Variants in NRG1 observed in about 807,000 individuals in gnomAD.
NRG1 encodes the protein neuregulin 1, also known as pro-neuregulin-1, membrane-bound isoform.
A neutral mutation model predicts 63.8 loss-of-function variants in NRG1; 18 were observed. That is an observed-to-expected ratio of 0.28 (90% CI 0.19 to 0.42). The LOEUF (loss-of-function observed/expected upper bound fraction) is 0.42, where lower values mean the gene tolerates loss of function less well. Ranked by LOEUF, NRG1 falls within the 10% of genes least tolerant of loss-of-function variation. The probability of loss-of-function intolerance (pLI) is 1.00; values close to 1 mark genes in which losing one functional copy is unlikely to be tolerated. For synonymous variants in NRG1, 302 were observed against 301.3 expected (o/e 1.00, Z -0.02); for missense variants, 762 against 814.7 (o/e 0.94, Z 0.79).
At chr8:32,427,336 T>G (rs1030248601) in intron 1 of NRG1, among the ~76,000 whole-genome samples, 2 of 152,180 alleles carry the variant, frequency 1.3e-5, no homozygotes, top group Admixed American at 1.3e-4. Flanking sequence ...TGGTAGATCC[T>G]CCATCTCCAC....
chr8:32,551,373 A>G (rs1422061656), intron 1 of NRG1, among the ~76,000 whole-genome samples: 1 of 152,162 alleles, frequency 6.6e-6, no homozygotes, highest in African/African-American at 2.4e-5. Context: ...GTCCTTGATG[A>G]TATGTATGCA....
intron 1 of NRG1, among the ~76,000 whole-genome samples, chr8:31,794,275 A>C (rs2131678628): frequency 6.6e-6 from 1 of 152,250 alleles, no homozygotes; most frequent in African/African-American, 2.4e-5. Flanking sequence ...GGACAGGGAT[A>C]GACCTTCTTC....
intron 1 of NRG1, among the ~76,000 whole-genome samples, chr8:31,911,603 C>T (rs1284034307): frequency 6.6e-6 from 1 of 152,102 alleles, no homozygotes. Flanking sequence ...GGGAGAGAAT[C>T]AAGCAAAATA....
chr8:31,721,531 C>T (rs960914418), intron 1 of NRG1, among the ~76,000 whole-genome samples: 1 of 152,158 alleles, frequency 6.6e-6, no homozygotes, highest in African/African-American at 2.4e-5. Context: ...GCATCACCTC[C>T]TATCAGATCA....
At chr8:32,373,256 C>A (rs1809166628) in intron 1 of NRG1, among the ~76,000 whole-genome samples, 1 of 152,068 alleles carries the variant, frequency 6.6e-6, no homozygotes, top group South Asian at 2.1e-4. Flanking sequence ...TTAAAATACA[C>A]CCATATGGCA....
Position 31,907,108 on chromosome 8 carries a change from A to G in NRG1, c.37+267677A>G, listed in dbSNP as rs185138333. Among the ~76,000 whole-genome samples the G allele has an allele frequency of 4.0e-4, 61 of 152,260 alleles. 1 individual carries two copies. Among genetic ancestry groups the G allele is most frequent in the Admixed American group, 3.1e-3 (48 of 15,286 alleles). On this transcript the variant is annotated intron_variant, in intron 1 of 10. Coordinates refer to the NRG1 transcript ENST00000519301. ...CCACTGACTGTAAGGGAAACCAGGTATACACAGCTTTAGGGCACAATGGAG... is the reference window on the plus strand; with the variant it reads ...CCACTGACTGTAAGGGAAACCAGGTGTACACAGCTTTAGGGCACAATGGAG...
chr8:31,737,907 A>T (rs969305022), intron 1 of NRG1, among the ~76,000 whole-genome samples: 2 of 152,120 alleles, frequency 1.3e-5, no homozygotes, highest in African/African-American at 4.8e-5. Flanking sequence ...GTCATCTAGT[A>T]AAGAATTCTG....
At chr8:32,048,395 A>G (rs963774691) in intron 1 of NRG1, among the ~76,000 whole-genome samples, 1 of 148,078 alleles carries the variant, frequency 6.8e-6, no homozygotes, top group Admixed American at 6.8e-5. Context: ...ATATATATAC[A>G]TGTACATGAA....
At chr8:32,290,282 T>C (rs1320317956) in intron 1 of NRG1, among the ~76,000 whole-genome samples, 1 of 152,070 alleles carries the variant, frequency 6.6e-6, no homozygotes, top group Non-Finnish European at 1.5e-5. Context: ...TGCAAAATTA[T>C]TTGATACTAT....
At chr8:32,598,089 A>G (rs1843677481) in intron 2 of NRG1, among the ~76,000 whole-genome samples, 1 of 152,188 alleles carries the variant, frequency 6.6e-6, no homozygotes, top group Non-Finnish European at 1.5e-5. Context: ...GAAAGGTTTT[A>G]TGCTAGGACT....
chr8:32,392,967 G>T (rs545715227), intron 1 of NRG1, among the ~76,000 whole-genome samples: 62 of 152,188 alleles, frequency 4.1e-4, no homozygotes, highest in Non-Finnish European at 7.5e-4. Context: ...TAGCAGGGCT[G>T]TCCCACTGTC....
chr8:32,234,742 G>T (rs911168912), intron 1 of NRG1, among the ~76,000 whole-genome samples: 4 of 152,152 alleles, frequency 2.6e-5, no homozygotes, highest in African/African-American at 9.6e-5. Context: ...AAATAAACAG[G>T]TTGGAGAGTG....
chr8:31,711,734 T>A (rs1391002254), intron 1 of NRG1, among the ~76,000 whole-genome samples: 1 of 152,198 alleles, frequency 6.6e-6, no homozygotes, highest in East Asian at 1.9e-4. Flanking sequence ...ATTTATTTCT[T>A]ACAGTTCTGG....
intron 1 of NRG1, among the ~76,000 whole-genome samples, chr8:32,119,730 A>G (rs550087116): frequency 1.3e-5 from 2 of 152,146 alleles, no homozygotes; most frequent in South Asian, 2.1e-4. Context: ...CTGGAAGGCC[A>G]TATGTCAAAA....
chr8:32,581,504 A>G (rs910811815), intron 1 of NRG1, among the ~76,000 whole-genome samples: 4 of 152,228 alleles, frequency 2.6e-5, no homozygotes, highest in Admixed American at 6.5e-5. Flanking sequence ...ATTATTGAGC[A>G]CTGTGCTAGT....
At chr8:31,831,831 G>A (rs1244069017) in intron 1 of NRG1, among the ~76,000 whole-genome samples, 2 of 152,100 alleles carry the variant, frequency 1.3e-5, no homozygotes, top group Admixed American at 1.3e-4. Flanking sequence ...ACATTAGTGA[G>A]GGACTCACTC....
At chr8:31,958,044 C>CAGATAGAG (rs1804741896) in intron 1 of NRG1, among the ~76,000 whole-genome samples, 1 of 145,840 alleles carries the variant, frequency 6.9e-6, no homozygotes, top group Non-Finnish European at 1.5e-5. Flanking sequence ...CAGTAGAGAC[C>CAGATAGAG]AGATAGATAG....
At chr8:32,664,876 GTCTT>G (rs1349567614) in intron 5 of NRG1, among the ~76,000 whole-genome samples, 1 of 152,154 alleles carries the variant, frequency 6.6e-6, no homozygotes, top group Non-Finnish European at 1.5e-5. Context: ...GTTCTCCTAA[GTCTT>G]TATGTATTTA....
chr8:31,829,137 T>G (rs1325970263), intron 1 of NRG1, among the ~76,000 whole-genome samples: 1 of 152,206 alleles, frequency 6.6e-6, no homozygotes, highest in Non-Finnish European at 1.5e-5. Flanking sequence ...CTCTCTCAGA[T>G]CTGAGCAGGT....
Sources: gnomAD v4.1 joint callset for allele counts (sites outside exome capture counted in the v4.1 genomes callset) on GRCh38, gnomAD v4.1.1 for gene constraint, MANE v1.5 for transcripts, NCBI Gene and HGNC (gene_info 2026-07-23, HGNC 2026-07-21) for gene names.